EIF3B: variants seen among roughly 807,000 people sequenced by gnomAD.
EIF3B encodes the protein eukaryotic translation initiation factor 3 subunit 9.
Under a neutral mutation model 104.6 loss-of-function variants are expected in EIF3B, and 10 were observed. That is an observed-to-expected ratio of 0.10 (90% CI 0.06 to 0.16). The LOEUF is 0.16. EIF3B is among the 10% of genes least tolerant of loss of function. The pLI is 1.00. For missense variants in EIF3B, 1,014 were observed against 1,087.9 expected (o/e 0.93, Z 0.96); for synonymous variants, 542 against 417.2 (o/e 1.30, Z -3.65).
At position 2,371,674 on chromosome 7, in the gene EIF3B, C is replaced by A. The variant is rs529762039; in HGVS notation, c.1615-103C>A. The A allele has an allele frequency of 1.8e-5, 16 of 883,594 alleles. 1 individual carries two copies. The South Asian group carries it at 1.8e-4, about 10-fold the overall frequency. The allele number at this position is 883,594 out of a possible 1,614,324, so 54.7% of individuals were successfully genotyped here. On this transcript the variant is annotated intron_variant, in intron 10 of 18. Transcript: ENST00000360876. Reference sequence around the variant, plus strand: ...TGCACATGCTCGTGTGTGAACCAGGCATGCACACTGAATCTTTCATTGTGA... The same window carrying A: ...TGCACATGCTCGTGTGTGAACCAGGAATGCACACTGAATCTTTCATTGTGA...
intron 6 of EIF3B, among the ~76,000 whole-genome samples, chr7:2,365,389 G>A (rs1366003149): frequency 1.3e-5 from 2 of 151,914 alleles, no homozygotes; most frequent in Admixed American, 1.3e-4. Context: ...GGCGAACGGG[G>A]GCCACTCTAG....
intron 1 of EIF3B, among the ~76,000 whole-genome samples, chr7:2,356,217 G>A (rs753779101): frequency 2.6e-5 from 4 of 152,152 alleles, no homozygotes; most frequent in Non-Finnish European, 5.9e-5. Flanking sequence ...ATACTAGAGT[G>A]AGAAAAATAA....
At chr7:2,354,162 ACAGG>A (rs1237667252), upstream of EIF3B, 1 of 152,340 alleles carries the variant, frequency 6.6e-6, no homozygotes, top group East Asian at 1.9e-4. Context: ...ATGGGGGGAA[ACAGG>A]CAGTGACGGC....
rs1312328023 is a variant in EIF3B at position 2,355,031 on chromosome 7, C to T, written c.110C>T (p.Pro37Leu). Reference sequence around the variant, plus strand: ...CCGCCAGCCGAGGGGCTGCTGCGGCCCGCGGGGCCCGGCGCTCCGGAGGCC... The same window carrying T: ...CCGCCAGCCGAGGGGCTGCTGCGGCTCGCGGGGCCCGGCGCTCCGGAGGCC... ...EPPPAEGLLR[P>L]AGPGAPEAAG... The change falls in exon 1 of 19, where the codon CCC (proline) becomes CTC (leucine). Residue 37 changes from proline to leucine, a missense_variant. This residue lies in a region of EIF3B where 488 missense variants were observed against 404.3 expected (regional missense o/e 1.21). Coordinates refer to ENST00000360876, the MANE Select transcript of EIF3B (RefSeq NM_001037283.2). 5 of 1,194,822 alleles carry T rather than the reference C, an allele frequency of 4.2e-6. No homozygotes were observed. Among genetic ancestry groups the T allele is most frequent in the East Asian group, 3.6e-5 (1 of 28,048 alleles). 74.0% of individuals were successfully genotyped at this position (1,194,822 alleles called of 1,614,324 possible).
intron 14 of EIF3B, 103 bp downstream of exon 14, chr7:2,375,630 A>G (rs1344109856): frequency 3.3e-6 from 5 of 1,531,540 alleles, no homozygotes; most frequent in Non-Finnish European, 4.5e-6. Flanking sequence ...AGGGGCACCA[A>G]GCCTCTGTGT....
chr7:2,355,501 T>C lies in EIF3B; in HGVS notation c.499+81T>C, dbSNP rs1012494528. ...CGAGGTGGGAGATATCGTCGGGCTG[T>C]GCCACCGGTTCGTGCAGAAGTTCCA... On this transcript the variant is annotated intron_variant, in intron 1 of 18. Transcript: ENST00000360876. 1.5e-5 allele frequency: 21 copies of C among 1,395,396 alleles called. No individual in the cohort carries two copies. In the African/African-American group the frequency reaches 2.7e-4, roughly 18 times the overall value. The allele number at this position is 1,395,396 out of a possible 1,614,324, so 86.4% of individuals were successfully genotyped here. A position where few individuals can be genotyped will look rare whatever the true frequency, so the allele number is the denominator to read the frequency against.
Position 2,375,381 on chromosome 7 carries a change from CTT to C in EIF3B, c.1890-6_1890-5del. The C allele has an allele frequency of 6.2e-7, 1 of 1,614,074 alleles. No individual in the cohort carries two copies. The highest frequency in any genetic ancestry group is 8.5e-7 in the Non-Finnish European group (1 of 1,179,912). Reference sequence around the variant, plus strand: ...CATGAAGCCTGACGGTCCTGTCTGTCTTTGCAGTATGAACGGTGCCTTAGCGT... The same window carrying C: ...CATGAAGCCTGACGGTCCTGTCTGTCTGCAGTATGAACGGTGCCTTAGCGT... On this transcript the variant is annotated splice_polypyrimidine_tract_variant and splice_region_variant and intron_variant, in intron 13 of 18. Transcript: ENST00000360876.
intron 2 of EIF3B, among the ~76,000 whole-genome samples, chr7:2,361,429 C>A (rs1420914842): frequency 6.6e-6 from 1 of 151,736 alleles, no homozygotes; most frequent in Non-Finnish European, 1.5e-5. Context: ...TTCTTTCTTT[C>A]TTTTTTTTGA....
chr7:2,354,885 C>A lies in EIF3B; in HGVS notation c.-37C>A. The A allele has an allele frequency of 3.5e-6, 4 of 1,153,716 alleles. No homozygotes were observed. The highest frequency in any genetic ancestry group is 4.3e-6 in the Non-Finnish European group (4 of 939,450). 71.5% of individuals were successfully genotyped at this position (1,153,716 alleles called of 1,614,324 possible). ...CGGCCTGGGAGAGTCGGAAGCGCGGCGGCCGCGGAGCCCTGCGAGTAGGCA... is the reference window on the plus strand; with the variant it reads ...CGGCCTGGGAGAGTCGGAAGCGCGGAGGCCGCGGAGCCCTGCGAGTAGGCA... On this transcript the variant is annotated 5_prime_UTR_variant, in exon 1 of 19. Transcript: ENST00000360876.
intron 18 of EIF3B, 82 bp from the exon 19 acceptor site, chr7:2,380,122 C>T (rs968706410): frequency 1.3e-5 from 4 of 319,022 alleles, no homozygotes; most frequent in South Asian, 4.8e-5. Flanking sequence ...CGGGACTCAA[C>T]GTCAGCCCCA....
intron 1 of EIF3B, among the ~76,000 whole-genome samples, chr7:2,359,606 A>G (rs1042968348): frequency 1.3e-5 from 2 of 152,176 alleles, no homozygotes; most frequent in African/African-American, 4.8e-5. Flanking sequence ...TGAATTCTGT[A>G]AGCTGCTGCA....
chr7:2,362,924 C>T (rs1779816983), intron 3 of EIF3B, 146 bp from the exon 4 acceptor site: 1 of 1,428,976 alleles, frequency 7.0e-7, no homozygotes, highest in Admixed American at 1.7e-5. Context: ...CCCCACACTT[C>T]TGGCCTACAG....
chr7:2,367,230 C>G (rs1003856171), intron 9 of EIF3B, 185 bp downstream of exon 9: 1 of 565,204 alleles, frequency 1.8e-6, no homozygotes, highest in East Asian at 3.1e-5. Context: ...GACGGCCCAC[C>G]TCCCTCCTAG....
At chr7:2,371,272 C>T (rs1780326375) in intron 10 of EIF3B, among the ~76,000 whole-genome samples, 1 of 152,240 alleles carries the variant, frequency 6.6e-6, no homozygotes, top group Admixed American at 6.5e-5. Flanking sequence ...TGCTGAGTGT[C>T]AGCAGTAATC....
Position 2,365,986 on chromosome 7 carries a change from G to A in EIF3B, c.1158-331G>A, listed in dbSNP as rs562788282. On this transcript the variant is annotated intron_variant, in intron 6 of 18. Coordinates refer to ENST00000360876, the MANE Select transcript of EIF3B (RefSeq NM_001037283.2). ...CAGGTGTGAGCCACTGCGCCCAGCC[G>A]TATTTTTTTAACTTGTTAGTCTTTA... Among the ~76,000 whole-genome samples, 17 of 152,172 alleles carry A rather than the reference G, an allele frequency of 1.1e-4. No homozygotes were observed. In the East Asian group the frequency reaches 2.9e-3, roughly 26 times the overall value.
chr7:2,367,146 T>G (rs1455763000), intron 9 of EIF3B, 101 bp downstream of exon 9: 19 of 1,153,614 alleles, frequency 1.6e-5, no homozygotes, highest in Non-Finnish European at 1.7e-5. Flanking sequence ...GGGTGGCTTA[T>G]GACAGCTGAG....
chr7:2,367,821 T>TA (rs1562484070), intron 9 of EIF3B, among the ~76,000 whole-genome samples: 2 of 139,556 alleles, frequency 1.4e-5, no homozygotes, highest in African/African-American at 2.7e-5. Flanking sequence ...GTTCTTTTTT[T>TA]AAAATTTTTT....
intron 9 of EIF3B, chr7:2,367,250 C>G (rs1780073501): frequency 1.9e-6 from 1 of 530,434 alleles, no homozygotes; most frequent in African/African-American, 2.0e-5. Context: ...GTGGACAGCC[C>G]CTCGGTCCAG....
intron 2 of EIF3B, among the ~76,000 whole-genome samples, chr7:2,361,729 TC>T (rs1779739666): frequency 6.6e-6 from 1 of 152,126 alleles, no homozygotes; most frequent in African/African-American, 2.4e-5. Context: ...TCTCTGAGCT[TC>T]TTTCTAATCT....
Sources: allele counts gnomAD v4.1 joint callset (sites outside exome capture counted in the v4.1 genomes callset), GRCh38; gene constraint gnomAD v4.1.1; regional missense constraint gnomAD v4.1.1; transcripts MANE v1.5; gene names NCBI Gene and HGNC (gene_info 2026-07-23, HGNC 2026-07-21).